Variants in CPSF7 observed in about 807,000 individuals in gnomAD.
The protein encoded by CPSF7 is cleavage and polyadenylation specific factor 7, also known as cleavage and polyadenylation specificity factor subunit 7.
Under a neutral mutation model 44.3 loss-of-function variants are expected in CPSF7, and 1 was observed. The ratio of observed to expected loss-of-function variants is 0.02; its 90% CI spans 0.01 to 0.11. The LOEUF (loss-of-function observed/expected upper bound fraction) is 0.11, where lower values mean the gene tolerates loss of function less well. Ranked by LOEUF, CPSF7 falls within the 10% of genes least tolerant of loss-of-function variation. The pLI, the probability that CPSF7 is intolerant of heterozygous loss-of-function variation, is 1.00. For missense variants in CPSF7, 443 were observed against 607.2 expected (o/e 0.73, Z 2.84); for synonymous variants, 202 against 222.0 (o/e 0.91, Z 0.80).
At chr11:61,408,057 C>CTTTTTTTTTTT (rs111594039) in intron 9 of CPSF7, among the ~76,000 whole-genome samples, 1 of 137,762 alleles carries the variant, frequency 7.3e-6, no homozygotes, top group African/African-American at 2.8e-5. Context: ...TCAAGGACAT[C>CTTTTTTTTTTT]TTTTTTTTTT....
chr11:61,420,857 G>T, intron 3 of CPSF7: 1 of 500,354 alleles, frequency 2.0e-6, no homozygotes, highest in Non-Finnish European at 3.6e-6. Flanking sequence ...TTGACAGCTA[G>T]CAATTTTTTA....
intron 7 of CPSF7, among the ~76,000 whole-genome samples, chr11:61,414,338 G>A (rs1175399342): frequency 2.0e-5 from 3 of 151,946 alleles, no homozygotes; most frequent in Non-Finnish European, 1.5e-5. Flanking sequence ...TGTATTATTA[G>A]TAGAGATGGG....
chr11:61,421,217 G>T, intron 3 of CPSF7, 173 bp downstream of exon 3: 1 of 1,050,336 alleles, frequency 9.5e-7, no homozygotes, highest in Non-Finnish European at 1.4e-6. Flanking sequence ...TTCGGCACCA[G>T]TACGTCCTCA....
intron 7 of CPSF7, among the ~76,000 whole-genome samples, chr11:61,412,305 T>C (rs1210561421): frequency 6.6e-6 from 1 of 152,040 alleles, no homozygotes; most frequent in Non-Finnish European, 1.5e-5. Context: ...TTTTTTTTTT[T>C]TTTGAGACAG....
intron 8 of CPSF7, 106 bp downstream of exon 8, chr11:61,411,663 T>C: frequency 9.9e-7 from 1 of 1,007,622 alleles, no homozygotes; most frequent in Non-Finnish European, 1.5e-6. Flanking sequence ...GTCCAGACTT[T>C]CGGCCAGGTC....
At chr11:61,411,992 G>A in intron 7 of CPSF7, 55 bp from the exon 8 acceptor site, 1 of 1,498,090 alleles carries the variant, frequency 6.7e-7, no homozygotes, top group Non-Finnish European at 9.3e-7. Flanking sequence ...TAAACTAACT[G>A]GACCAAAAGG....
chr11:61,429,313 A>C, intron 1 of CPSF7, 23 bp from the exon 2 acceptor site: 1 of 1,415,754 alleles, frequency 7.1e-7, no homozygotes, highest in African/African-American at 1.4e-5. Flanking sequence ...GAAAAATGCA[A>C]GAATTAGAAG....
intron 9 of CPSF7, among the ~76,000 whole-genome samples, chr11:61,409,091 T>C (rs771927101): frequency 6.6e-6 from 1 of 151,852 alleles, no homozygotes; most frequent in Non-Finnish European, 1.5e-5. Flanking sequence ...AGAGCCATGA[T>C]GGTGCCTCAT....
At chr11:61,412,860 A>G (rs1381037381) in intron 7 of CPSF7, among the ~76,000 whole-genome samples, 1 of 152,258 alleles carries the variant, frequency 6.6e-6, no homozygotes, top group Non-Finnish European at 1.5e-5. Context: ...TTTTGTAAAA[A>G]CAATAAAAAT....
intron 1 of CPSF7, chr11:61,429,603 C>T: frequency 1.2e-6 from 1 of 813,568 alleles, no homozygotes; most frequent in Admixed American, 3.0e-5. Flanking sequence ...ATGACCGCGG[C>T]GAAGCCCGCA....
At position 61,429,971 on chromosome 11, in the gene CPSF7, T is replaced by C. The variant is rs922876963; in HGVS notation, c.-113A>G. 1.3e-5 allele frequency: 16 copies of C among 1,255,878 alleles called. No homozygotes were observed. Among genetic ancestry groups the C allele is most frequent in the Non-Finnish European group, 1.5e-5 (14 of 939,778 alleles). The allele number at this position is 1,255,878 out of a possible 1,614,324, so 77.8% of individuals were successfully genotyped here. A position where few individuals can be genotyped will look rare whatever the true frequency, so the allele number is the denominator to read the frequency against. The stretch of plus-strand genomic sequence containing the variant: ...ACTAGGCCCGAAGCGCGCGAACCGC[T>C]CTCCGCCCCAGGTCCCGCCCCCCCC... On this transcript the variant is annotated 5_prime_UTR_variant, in exon 1 of 10. Transcript: ENST00000439958.
rs750608360 is a variant in CPSF7 at position 61,429,699 on chromosome 11, C to G, written c.-56+215G>C. 5 of 1,523,804 alleles carry G rather than the reference C, an allele frequency of 3.3e-6. No individual in the cohort carries two copies. In the African/African-American group the frequency reaches 5.5e-5, roughly 17 times the overall value. The allele number at this position is 1,523,804 out of a possible 1,614,324, so 94.4% of individuals were successfully genotyped here. A position where few individuals can be genotyped will look rare whatever the true frequency, so the allele number is the denominator to read the frequency against. ...CAAGCAGCTCCAGCCGCCTCTGCCC[C>G]CAACCCAGGCCTACTCTTCGCCCCC... On this transcript the variant is annotated intron_variant, in intron 1 of 9. Coordinates refer to ENST00000439958, the MANE Select transcript of CPSF7 (RefSeq NM_001142565.3).
intron 9 of CPSF7, among the ~76,000 whole-genome samples, chr11:61,405,034 A>G (rs964917138): frequency 3.3e-5 from 5 of 152,248 alleles, no homozygotes; most frequent in Admixed American, 6.5e-5. Context: ...AAACTGTGAC[A>G]TATTTCAAGA....
At chr11:61,406,412 T>C (rs1466504273) in intron 9 of CPSF7, among the ~76,000 whole-genome samples, 1 of 152,260 alleles carries the variant, frequency 6.6e-6, no homozygotes, top group Non-Finnish European at 1.5e-5. Context: ...CCATGTACCA[T>C]CTTCCCAACA....
At chr11:61,420,738 C>T (rs1354150016) in intron 3 of CPSF7, 165 bp from the exon 4 acceptor site, 2 of 615,234 alleles carry the variant, frequency 3.3e-6, no homozygotes, top group Admixed American at 2.9e-5. Flanking sequence ...CTCACCCATA[C>T]AGAATTCCAA....
chr11:61,419,259 T>TG (rs1358264863), intron 5 of CPSF7, among the ~76,000 whole-genome samples: 2 of 152,166 alleles, frequency 1.3e-5, no homozygotes, highest in African/African-American at 4.8e-5. Context: ...CTTGACCTCG[T>TG]GATCCACCCA....
At chr11:61,408,057 C>CTTT (rs111594039) in intron 9 of CPSF7, among the ~76,000 whole-genome samples, 10 of 137,752 alleles carry the variant, frequency 7.3e-5, no homozygotes, top group African/African-American at 2.2e-4. Context: ...TCAAGGACAT[C>CTTT]TTTTTTTTTT....
intron 9 of CPSF7, among the ~76,000 whole-genome samples, chr11:61,407,025 C>A (rs1221981638): frequency 2.6e-5 from 4 of 152,188 alleles, no homozygotes; most frequent in African/African-American, 9.7e-5. Flanking sequence ...CCCCTCTCGG[C>A]CTCCCAAAGT....
chr11:61,409,663 CG>C (rs1271940509), intron 9 of CPSF7, among the ~76,000 whole-genome samples: 6 of 65,586 alleles, frequency 9.1e-5, no homozygotes, highest in African/African-American at 2.4e-4. Context: ...TTAAATAAAC[CG>C]TTTTTTTTTT....
Sources: gnomAD v4.1 joint callset for allele counts (sites outside exome capture counted in the v4.1 genomes callset) on GRCh38, gnomAD v4.1.1 for gene constraint, MANE v1.5 for transcripts, NCBI Gene and HGNC (gene_info 2026-07-23, HGNC 2026-07-21) for gene names.